TNRC6B: variants seen among roughly 807,000 people sequenced by gnomAD.
TNRC6B encodes the protein trinucleotide repeat-containing gene 6B protein.
Under a neutral mutation model 203.6 loss-of-function variants are expected in TNRC6B, and 52 were observed. The ratio of observed to expected loss-of-function variants is 0.26; its 90% CI spans 0.20 to 0.32. TNRC6B has a LOEUF of 0.32. TNRC6B is among the 10% of genes least tolerant of loss of function. The pLI is 1.00. For missense variants in TNRC6B, 1,923 were observed against 2,286.2 expected (o/e 0.84, Z 3.24); for synonymous variants, 838 against 845.7 (o/e 0.99, Z 0.16).
intron 11 of TNRC6B, among the ~76,000 whole-genome samples, chr22:40,281,953 A>T (rs542693969): frequency 1.3e-5 from 2 of 152,168 alleles, no homozygotes; most frequent in African/African-American, 2.4e-5. Flanking sequence ...GCCAGGCCTG[A>T]GGGTGCACAG....
rs766916019 is a variant in TNRC6B, at chr22:40,277,161, A to AT, written c.3216+17dup. ...AAATATGGGATTGCTGGTAAGTTTT[A>AT]TTTTTTTCAAATGTATAACGTATCC... is the stretch of plus-strand genomic sequence containing the variant. On this transcript the variant is annotated intron_variant, in intron 8 of 22. Transcript: ENST00000454349. 8.8e-6 allele frequency: 14 copies of AT among 1,599,524 alleles called. No individual in the cohort carries two copies. Among genetic ancestry groups the AT allele is most frequent in the East Asian group, 2.3e-5 (1 of 44,444 alleles).
intron 3 of TNRC6B, among the ~76,000 whole-genome samples, chr22:40,143,663 A>AT (rs1335045945): frequency 1.6e-4 from 25 of 152,014 alleles, no homozygotes; most frequent in African/African-American, 3.6e-4. Flanking sequence ...CGCCCCGCTA[A>AT]TTTTTTGTAT....
chr22:40,137,516 G>A lies in TNRC6B; in HGVS notation c.45+11654G>A, dbSNP rs1428514515. Among the ~76,000 whole-genome samples, 3 of 152,280 alleles carry A rather than the reference G, an allele frequency of 2.0e-5. No homozygotes were observed. In the South Asian group the frequency reaches 6.2e-4, roughly 32 times the overall value. ...AGAAGAATCCCTAAGAAGGGAGAGG[G>A]TGCTTTGTGCGTATTCAGAGCCACA... is the stretch of plus-strand genomic sequence containing the variant. On this transcript the variant is annotated intron_variant, in intron 3 of 23. Coordinates refer to the TNRC6B transcript ENST00000301923.
At chr22:40,094,822 A>G (rs1305552405) in intron 1 of TNRC6B, among the ~76,000 whole-genome samples, 1 of 152,168 alleles carries the variant, frequency 6.6e-6, no homozygotes, top group Non-Finnish European at 1.5e-5. Context: ...GCTTTTTGAA[A>G]TGTTTTCAGT....
intron 3 of TNRC6B, among the ~76,000 whole-genome samples, chr22:40,257,857 T>C (rs936652902): frequency 6.6e-6 from 1 of 151,636 alleles, no homozygotes; most frequent in Non-Finnish European, 1.5e-5. Flanking sequence ...ACTCCGTCTC[T>C]GTTAAACATA....
At chr22:40,127,302 T>C (rs372274192) in intron 3 of TNRC6B, among the ~76,000 whole-genome samples, 2 of 152,202 alleles carry the variant, frequency 1.3e-5, no homozygotes, top group South Asian at 2.1e-4. Context: ...ACAGATGTCA[T>C]CCTGTCCTCT....
In TNRC6B at chr22:40,262,315, T is replaced by C; in HGVS notation, c.457+142T>C. ...CAAAAGATGAGAGAGGATCCTAGTA[T>C]GCGATGTGTATTGGTGATTCTTGGA... On this transcript the variant is annotated intron_variant, in intron 4 of 22. Coordinates refer to ENST00000454349, the MANE Select transcript of TNRC6B (RefSeq NM_001162501.2). The C allele has an allele frequency of 8.1e-6, 6 of 744,310 alleles. No homozygotes were observed. The South Asian group carries it at 1.7e-4, about 21-fold the overall frequency. 46.1% of individuals were successfully genotyped at this position (744,310 alleles called of 1,614,324 possible).
chr22:40,310,959 C>G lies in TNRC6B; in HGVS notation c.4401C>G (p.Ile1467Met). The stretch of plus-strand genomic sequence containing the variant: ...CCAAATCTCCACCAACAAATAAAAT[C>G]GGAAGTAAATCCAGCAATGCCAGTT... The part of the protein sequence containing the change: ...LPAKSPPTNK[I>M]GSKSSNASWP... Residue 1467 changes from isoleucine (I) to methionine (M), a missense_variant, in exon 17 of 23, where the codon ATC (isoleucine) becomes ATG (methionine). By Grantham distance (10) the Ile-to-Met change is conservative (BLOSUM62 1). This residue lies in a region of TNRC6B where 242 missense variants were observed against 399.5 expected (regional missense o/e 0.61). Transcript: ENST00000454349. 3 of 1,609,478 alleles carry G rather than the reference C, an allele frequency of 1.9e-6. No homozygotes were observed. Among genetic ancestry groups the G allele is most frequent in the Non-Finnish European group, 2.5e-6 (3 of 1,178,544 alleles).
intron 1 of TNRC6B, among the ~76,000 whole-genome samples, chr22:40,183,144 T>C (rs1445286938): frequency 6.6e-6 from 1 of 152,192 alleles, no homozygotes; most frequent in East Asian, 1.9e-4. Context: ...GTGACGATGG[T>C]AGGCTCGTTT....
chr22:40,236,468 T>G (rs2069949022), intron 1 of TNRC6B, among the ~76,000 whole-genome samples: 1 of 152,234 alleles, frequency 6.6e-6, no homozygotes, highest in African/African-American at 2.4e-5. Flanking sequence ...TTTTACAGTA[T>G]TAGTTTACTT....
At position 40,265,258 on chromosome 22, in the gene TNRC6B, C is replaced by A; in HGVS notation, c.1028C>A (p.Ser343Tyr). The A allele has an allele frequency of 6.2e-7, 1 of 1,613,982 alleles. No individual in the cohort carries two copies. Among genetic ancestry groups the A allele is most frequent in the South Asian group, 1.1e-5 (1 of 91,086 alleles). ...SAQVSTVGQTSREQQSKMENA... is the reference protein window; with the variant it reads ...SAQVSTVGQTYREQQSKMENA... ...CAGGTTAGCACAGTAGGTCAGACAT[C>A]CAGGGAACAGCAGTCAAAGATGGAA... Residue 343 changes from serine (S) to tyrosine (Y), a missense_variant, in exon 5 of 23, where the codon TCC becomes TAC. Transcript: ENST00000454349.
chr22:40,330,668 G>T lies in TNRC6B; in HGVS notation c.*7427G>T, dbSNP rs938486721. On this transcript the variant is annotated 3_prime_UTR_variant, in exon 23 of 23. Coordinates refer to ENST00000454349, the MANE Select transcript of TNRC6B (RefSeq NM_001162501.2). ...AAATGTGTTTAAAACATCATCCACCGCCCTTTTTAAATTTTGTCTAAGGAA... is the reference window on the plus strand; with the variant it reads ...AAATGTGTTTAAAACATCATCCACCTCCCTTTTTAAATTTTGTCTAAGGAA... 3 of 152,558 alleles carry T rather than the reference G, an allele frequency of 2.0e-5. No homozygotes were observed. The highest frequency in any genetic ancestry group is 7.2e-5 in the African/African-American group (3 of 41,414). The allele number at this position is 152,558 out of a possible 1,614,324, so 9.5% of individuals were successfully genotyped here. A position where few individuals can be genotyped will look rare whatever the true frequency, so the allele number is the denominator to read the frequency against.
At chr22:40,295,334 C>T (rs141372255) in intron 12 of TNRC6B, among the ~76,000 whole-genome samples, 23 of 151,918 alleles carry the variant, frequency 1.5e-4, no homozygotes, top group African/African-American at 4.8e-4. Flanking sequence ...AAAAGGTAAG[C>T]GTGGTGGCGG....
intron 13 of TNRC6B, 35 bp downstream of exon 13, chr22:40,300,621 G>A: frequency 1.3e-6 from 2 of 1,581,562 alleles, no homozygotes; most frequent in Non-Finnish European, 1.7e-6. Context: ...GGCTAAAAAG[G>A]TCATTTGCTT....
Position 40,253,571 on chromosome 22 carries a change from C to T in TNRC6B, c.115+2371C>T, listed in dbSNP as rs115812309. 2.1e-3 allele frequency: 937 copies of T among 455,902 alleles called. 5 individuals carry two copies. Among genetic ancestry groups the T allele is most frequent in the African/African-American group, 0.018 (879 of 50,084 alleles). 28.2% of individuals were successfully genotyped at this position (455,902 alleles called of 1,614,324 possible). A position where few individuals can be genotyped will look rare whatever the true frequency, so the allele number is the denominator to read the frequency against. On this transcript the variant is annotated intron_variant, in intron 3 of 22. Transcript: ENST00000454349. Reference sequence around the variant, plus strand: ...ATAATGAAATACAGTTTCACAGTCTCCCTACTCTCCCTACCTCCCACCACT... The same window carrying T: ...ATAATGAAATACAGTTTCACAGTCTTCCTACTCTCCCTACCTCCCACCACT...
At chr22:40,317,806 C>T (rs913067960) in intron 21 of TNRC6B, among the ~76,000 whole-genome samples, 3 of 152,200 alleles carry the variant, frequency 2.0e-5, no homozygotes. Context: ...TAAATGGGCT[C>T]ATCAAAACTG....
chr22:40,106,259 T>C, intron 1 of TNRC6B: 1 of 220,072 alleles, frequency 4.5e-6, no homozygotes, highest in East Asian at 9.9e-5. Flanking sequence ...TTTTTTTCAA[T>C]TTGAGAGCAG....
chr22:40,054,523 C>T (rs2067777021), intron 1 of TNRC6B, among the ~76,000 whole-genome samples: 1 of 152,138 alleles, frequency 6.6e-6, no homozygotes, highest in Non-Finnish European at 1.5e-5. Flanking sequence ...TTAATGACTT[C>T]CTAATCACCC....
intron 3 of TNRC6B, among the ~76,000 whole-genome samples, chr22:40,128,415 GT>G (rs1179870968): frequency 6.6e-6 from 1 of 152,170 alleles, no homozygotes; most frequent in Non-Finnish European, 1.5e-5. Context: ...AAGGTAGTAG[GT>G]TTTGAGGAAA....
Sources: allele counts gnomAD v4.1 joint callset (sites outside exome capture counted in the v4.1 genomes callset), GRCh38; gene constraint gnomAD v4.1.1; regional missense constraint gnomAD v4.1.1; transcripts MANE v1.5; gene names NCBI Gene and HGNC (gene_info 2026-07-23, HGNC 2026-07-21).